The following HEATR3 variants were observed in gnomAD, a reference collection of about 807,000 sequenced individuals.
HEATR3 encodes the protein HEAT repeat-containing protein 3.
In HEATR3, 56 loss-of-function variants were observed where a neutral mutation model predicts 72.8. That is an observed-to-expected ratio of 0.77 (90% CI 0.62 to 0.96). The LOEUF is 0.96. Among genes scored for constraint, HEATR3 ranks in the 40% least tolerant of loss-of-function variants. The pLI, the probability that HEATR3 is intolerant of heterozygous loss-of-function variation, is 0.00. For missense variants in HEATR3, 747 were observed against 831.4 expected (o/e 0.90, Z 1.25); for synonymous variants, 331 against 318.1 (o/e 1.04, Z -0.43).
At chr16:50,101,527 T>TG (rs544632150) in intron 13 of HEATR3, among the ~76,000 whole-genome samples, 6 of 152,230 alleles carry the variant, frequency 3.9e-5, no homozygotes, top group Non-Finnish European at 8.8e-5. Context: ...CCACATGTTA[T>TG]GTTTCCTGTG....
At chr16:50,075,514 G>A (rs2036705275) in intron 5 of HEATR3, 57 bp from the exon 6 acceptor site, 15 of 1,513,234 alleles carry the variant, frequency 9.9e-6, no homozygotes, top group Non-Finnish European at 1.4e-5. Flanking sequence ...TTATACTGGT[G>A]TAAATTATCC....
intron 7 of HEATR3, chr16:50,080,342 ATTTTTTTT>A (rs554971616): frequency 7.1e-6 from 1 of 141,084 alleles, no homozygotes; most frequent in African/African-American, 2.6e-5. Context: ...TTGCTCACAG[ATTTTTTTT>A]TTTTTTTTTG....
At chr16:50,089,960 C>A (rs1244460580) in intron 11 of HEATR3, among the ~76,000 whole-genome samples, 1 of 152,046 alleles carries the variant, frequency 6.6e-6, no homozygotes, top group Non-Finnish European at 1.5e-5. Flanking sequence ...CCACCGTGCC[C>A]GTCCTAGAGA....
At chr16:50,096,532 C>T (rs866090330) in intron 12 of HEATR3, among the ~76,000 whole-genome samples, 2 of 152,098 alleles carry the variant, frequency 1.3e-5, no homozygotes, top group African/African-American at 4.8e-5. Flanking sequence ...GCTGCAGTGG[C>T]TCACGCCTGT....
chr16:50,105,081 A>G lies in HEATR3; in HGVS notation c.*20A>G. The G allele has an allele frequency of 6.2e-7, 1 of 1,606,828 alleles. No homozygotes were observed. Among genetic ancestry groups the G allele is most frequent in the South Asian group, 1.1e-5 (1 of 89,032 alleles). On this transcript the variant is annotated 3_prime_UTR_variant, in exon 15 of 15. Transcript: ENST00000299192. The stretch of plus-strand genomic sequence containing the variant: ...TCTTAAACAATCCAAAAAAGAAACC[A>G]GTTCTTCCCCCAAAGTATTCAATGC...
chr16:50,094,627 C>A, intron 11 of HEATR3, 78 bp from the exon 12 acceptor site: 1 of 767,164 alleles, frequency 1.3e-6, no homozygotes, highest in South Asian at 2.0e-5. Context: ...ATTTAGCATG[C>A]TTTGTTTTGT....
chr16:50,076,803 G>A (rs1230465276), intron 6 of HEATR3, among the ~76,000 whole-genome samples: 3 of 150,086 alleles, frequency 2.0e-5, no homozygotes, highest in East Asian at 3.9e-4. Flanking sequence ...GAGTTCAAGC[G>A]ATCCTCCTGC....
At chr16:50,066,810 C>T (rs1244297912) in intron 2 of HEATR3, 1 of 364,986 alleles carries the variant, frequency 2.7e-6, no homozygotes, top group Non-Finnish European at 4.9e-6. Context: ...CTCCAAAAGC[C>T]CTCCTTAGGG....
In HEATR3 at chr16:50,106,954, C is replaced by A. The variant is rs1408666647; in HGVS notation, c.*1893C>A. On this transcript the variant is annotated 3_prime_UTR_variant, in exon 15 of 15. Coordinates refer to ENST00000299192, the MANE Select transcript of HEATR3 (RefSeq NM_182922.4). ...ACAGAAATGTATACCATATACAACA[C>A]CTCGCTTTATTATGGTCCTTGCTCA... 3.3e-5 allele frequency among the ~76,000 whole-genome samples: 5 copies of A among 152,058 alleles called. No individual in the cohort carries two copies. Among genetic ancestry groups the A allele is most frequent in the Non-Finnish European group, 7.3e-5 (5 of 68,030 alleles).
At chr16:50,096,096 G>A (rs1445444237) in intron 12 of HEATR3, among the ~76,000 whole-genome samples, 3 of 150,496 alleles carry the variant, frequency 2.0e-5, no homozygotes, top group Non-Finnish European at 3.0e-5. Context: ...AGGCTGAGGC[G>A]GGCAGATCAC....
chr16:50,092,112 G>A (rs1271270771), intron 11 of HEATR3, among the ~76,000 whole-genome samples: 1 of 152,010 alleles, frequency 6.6e-6, no homozygotes, highest in Non-Finnish European at 1.5e-5. Context: ...TGAGGCGGGT[G>A]GATTGCTTGA....
At position 50,106,106 on chromosome 16, in the gene HEATR3, A is replaced by G. The variant is rs1168823456; in HGVS notation, c.*1045A>G. The G allele has an allele frequency of 1.3e-5, 2 of 152,218 alleles. No individual in the cohort carries two copies. Among genetic ancestry groups the G allele is most frequent in the African/African-American group, 2.4e-5 (1 of 41,470 alleles). 9.4% of individuals were successfully genotyped at this position (152,218 alleles called of 1,614,324 possible). A position where few individuals can be genotyped will look rare whatever the true frequency, so the allele number is the denominator to read the frequency against. On this transcript the variant is annotated 3_prime_UTR_variant, in exon 15 of 15. Coordinates refer to ENST00000299192, the MANE Select transcript of HEATR3 (RefSeq NM_182922.4). Reference sequence around the variant, plus strand: ...CATTGCTTGGATGTTCTTTTAAGGCATTTTATATCAGTTGAACCTTAAACT... The same window carrying G: ...CATTGCTTGGATGTTCTTTTAAGGCGTTTTATATCAGTTGAACCTTAAACT...
At chr16:50,069,439 TGA>T (rs2036564867) in intron 3 of HEATR3, 1 of 152,706 alleles carries the variant, frequency 6.5e-6, no homozygotes, top group South Asian at 2.1e-4. Context: ...CCAGTTTTGA[TGA>T]GAGGCATCAG....
rs1200224947 is a variant in HEATR3 at position 50,068,811 on chromosome 16, T to A, written c.343T>A (p.Cys115Ser). The A allele has an allele frequency of 6.2e-7, 1 of 1,613,958 alleles. No homozygotes were observed. ...CAGTGCTTGTGGAGGTTTTGAAGTT[T>A]GTGATGACATGGTGACTAAGGATAT... ...NLSACGGFEV[C>S]DDMVTKDIMT... Residue 115 changes from cysteine to serine, a missense_variant, in exon 3 of 15, where the codon TGT becomes AGT. Physicochemically the swap from Cys to Ser is moderately radical, Grantham distance 112. This residue lies in a region of HEATR3 where 586 missense variants were observed against 708.8 expected (regional missense o/e 0.83). Coordinates refer to ENST00000299192, the MANE Select transcript of HEATR3 (RefSeq NM_182922.4).
At chr16:50,089,447 A>T (rs2037060838) in intron 11 of HEATR3, among the ~76,000 whole-genome samples, 1 of 152,070 alleles carries the variant, frequency 6.6e-6, no homozygotes, top group African/African-American at 2.4e-5. Context: ...CTGCTGGGGG[A>T]AGAGGGCCAT....
chr16:50,090,071 G>T (rs189760186), intron 11 of HEATR3, among the ~76,000 whole-genome samples: 4 of 152,114 alleles, frequency 2.6e-5, no homozygotes, highest in African/African-American at 7.2e-5. Flanking sequence ...ATAGTTTAGT[G>T]GGGGCTGGCC....
intron 6 of HEATR3, among the ~76,000 whole-genome samples, chr16:50,077,752 T>C (rs1156470472): frequency 6.6e-6 from 1 of 152,206 alleles, no homozygotes; most frequent in African/African-American, 2.4e-5. Flanking sequence ...TCCTTTTTAA[T>C]GCTGAATAAT....
intron 7 of HEATR3, among the ~76,000 whole-genome samples, chr16:50,081,541 GA>G (rs2150606720): frequency 6.6e-6 from 1 of 152,266 alleles, no homozygotes; most frequent in East Asian, 1.9e-4. Flanking sequence ...AAAAAAAGAA[GA>G]AAAGGAGAAT....
chr16:50,072,533 A>G (rs2036634283), intron 4 of HEATR3, 72 bp from the exon 5 acceptor site: 5 of 957,562 alleles, frequency 5.2e-6, no homozygotes, highest in Non-Finnish European at 8.2e-6. Flanking sequence ...TTGTTTTTTT[A>G]TGGATTGCTA....
Sources: allele counts gnomAD v4.1 joint callset (sites outside exome capture counted in the v4.1 genomes callset), GRCh38; gene constraint gnomAD v4.1.1; regional missense constraint gnomAD v4.1.1; transcripts MANE v1.5; gene names NCBI Gene and HGNC (gene_info 2026-07-23, HGNC 2026-07-21).